FMNL2: variants seen among roughly 807,000 people sequenced by gnomAD.
FMNL2 encodes formin like 2.
Under a neutral mutation model 130.2 loss-of-function variants are expected in FMNL2, and 51 were observed. That is an observed-to-expected ratio of 0.39 (90% confidence interval 0.31 to 0.49). The LOEUF (loss-of-function observed/expected upper bound fraction) is 0.49. Ranked by LOEUF, FMNL2 falls within the 20% of genes least tolerant of loss-of-function variation. FMNL2 has a pLI of 0.85. For synonymous variants in FMNL2, 465 were observed against 467.1 expected, an observed-to-expected ratio of 1.00 and a Z score of 0.06; for missense variants, 977 against 1,316.2, an observed-to-expected ratio of 0.74 and a Z score of 3.99.
intron 1 of FMNL2, among the ~76,000 whole-genome samples, chr2:152,494,703 G>T (rs1054467815): frequency 6.6e-6 from 1 of 152,134 alleles, no homozygotes; most frequent in African/African-American, 2.4e-5. Flanking sequence ...GATAATTTTA[G>T]ATTACTCTTG....
intron 1 of FMNL2, among the ~76,000 whole-genome samples, chr2:152,384,500 T>C (rs1026677293): frequency 1.3e-5 from 2 of 152,124 alleles, no homozygotes; most frequent in African/African-American, 4.8e-5. Flanking sequence ...GTCCATTTGA[T>C]GGCTGACATT....
At chr2:152,577,781 G>A (rs1205138736) in intron 7 of FMNL2, among the ~76,000 whole-genome samples, 1 of 152,138 alleles carries the variant, frequency 6.6e-6, no homozygotes, top group East Asian at 1.9e-4. Context: ...ACAGTTCATT[G>A]GGATGGTGGG....
chr2:152,523,697 T>A (rs1276521225), intron 2 of FMNL2, among the ~76,000 whole-genome samples: 1 of 152,206 alleles, frequency 6.6e-6, no homozygotes, highest in Non-Finnish European at 1.5e-5. Context: ...TCTCATGACT[T>A]GACTTTATCA....
At chr2:152,462,384 A>C (rs185739914) in intron 1 of FMNL2, among the ~76,000 whole-genome samples, 77 of 152,220 alleles carry the variant, frequency 5.1e-4, no homozygotes, top group African/African-American at 1.8e-3. Context: ...ATTACTGCAC[A>C]CTGGAATTAT....
chr2:152,351,427 C>A (rs1456965104), intron 1 of FMNL2, among the ~76,000 whole-genome samples: 2 of 152,172 alleles, frequency 1.3e-5, no homozygotes, highest in Non-Finnish European at 2.9e-5. Flanking sequence ...GTTCAACCCC[C>A]ACTTATGAGT....
Position 152,455,947 on chromosome 2 carries a change from C to T in FMNL2, c.118-65996C>T, listed in dbSNP as rs148878860. Among the ~76,000 whole-genome samples the T allele has an allele frequency of 3.9e-5, 6 of 152,370 alleles. No homozygotes were observed. In the East Asian group the frequency reaches 1.2e-3, roughly 29 times the overall value. Reference sequence around the variant, plus strand: ...CCAGTGTGGTCTTTTAACTCCTAGCCTCAATTGATCCTCCCACCTCGGCCT... The same window carrying T: ...CCAGTGTGGTCTTTTAACTCCTAGCTTCAATTGATCCTCCCACCTCGGCCT... On this transcript the variant is annotated intron_variant, in intron 1 of 25. Coordinates refer to ENST00000288670, the MANE Select transcript of FMNL2 (RefSeq NM_052905.4).
chr2:152,621,163 C>G (rs1699228144), intron 15 of FMNL2: 1 of 982,218 alleles, frequency 1.0e-6, no homozygotes. Flanking sequence ...CTCTTGGTAG[C>G]CCCCAAGGCG....
At chr2:152,511,660 T>C (rs1306452598) in intron 1 of FMNL2, among the ~76,000 whole-genome samples, 1 of 152,196 alleles carries the variant, frequency 6.6e-6, no homozygotes, top group African/African-American at 2.4e-5. Context: ...AGCTTGAGTA[T>C]AGAATCCAGG....
At chr2:152,588,272 C>G (rs1697195807) in intron 9 of FMNL2, among the ~76,000 whole-genome samples, 1 of 152,228 alleles carries the variant, frequency 6.6e-6, no homozygotes, top group Non-Finnish European at 1.5e-5. Context: ...GCCCCTTCCT[C>G]CAGCTTTAAA....
In FMNL2 at chr2:152,492,009, A is replaced by G. The variant is rs181004636; in HGVS notation, c.118-29934A>G. Among the ~76,000 whole-genome samples, 437 of 152,354 alleles carry G rather than the reference A, an allele frequency of 2.9e-3. 1 individual carries two copies. Among genetic ancestry groups the G allele is most frequent in the African/African-American group, 7.7e-3 (320 of 41,592 alleles). On this transcript the variant is annotated intron_variant, in intron 1 of 25. Transcript: ENST00000288670. ...AAATAGAGTTATACTGAGCTAAAGT[A>G]TACATTTTAATCATTTATGTACTAT...
intron 2 of FMNL2, among the ~76,000 whole-genome samples, chr2:152,529,466 G>T (rs1258143874): frequency 6.6e-6 from 1 of 152,088 alleles, no homozygotes; most frequent in South Asian, 2.1e-4. Flanking sequence ...CTGAGAAAAG[G>T]CACTGAATTA....
At chr2:152,470,377 C>T (rs1689791379) in intron 1 of FMNL2, among the ~76,000 whole-genome samples, 1 of 152,142 alleles carries the variant, frequency 6.6e-6, no homozygotes, top group Admixed American at 6.6e-5. Flanking sequence ...TATTGGTTGT[C>T]TTCTGAGAAT....
chr2:152,548,721 G>A (rs1694781665), intron 3 of FMNL2, among the ~76,000 whole-genome samples: 1 of 152,190 alleles, frequency 6.6e-6, no homozygotes, highest in Non-Finnish European at 1.5e-5. Flanking sequence ...TGAAACTGGA[G>A]GTAGTACTGG....
intron 6 of FMNL2, among the ~76,000 whole-genome samples, chr2:152,568,330 C>G (rs1269821419): frequency 6.6e-6 from 1 of 151,284 alleles, no homozygotes; most frequent in Non-Finnish European, 1.5e-5. Flanking sequence ...ATTCTTTTGC[C>G]TCACCCTCCC....
At chr2:152,647,239 G>C (rs1330467920) in intron 25 of FMNL2, among the ~76,000 whole-genome samples, 1 of 152,194 alleles carries the variant, frequency 6.6e-6, no homozygotes, top group East Asian at 1.9e-4. Context: ...TTTTGGTTTA[G>C]ATTTAATGGT....
At chr2:152,397,898 C>T (rs559678212) in intron 1 of FMNL2, among the ~76,000 whole-genome samples, 11 of 152,216 alleles carry the variant, frequency 7.2e-5, no homozygotes, top group African/African-American at 1.4e-4. Flanking sequence ...CCAAGGCAGG[C>T]GGATCACCTG....
At chr2:152,535,734 G>T (rs934543203) in intron 2 of FMNL2, among the ~76,000 whole-genome samples, 1 of 152,144 alleles carries the variant, frequency 6.6e-6, no homozygotes, top group African/African-American at 2.4e-5. Context: ...CTAAATAGTA[G>T]CCCAGCTGGC....
intron 1 of FMNL2, among the ~76,000 whole-genome samples, chr2:152,368,029 T>C (rs1683659947): frequency 6.6e-6 from 1 of 152,208 alleles, no homozygotes; most frequent in Non-Finnish European, 1.5e-5. Flanking sequence ...GTGACTCACG[T>C]GTGCATTAAA....
Position 152,558,815 on chromosome 2 carries a change from C to T in FMNL2, c.435C>T (p.Tyr145=), listed in dbSNP as rs1369032595. The T allele has an allele frequency of 8.7e-6, 14 of 1,612,330 alleles. No homozygotes were observed. The highest frequency in any genetic ancestry group is 1.3e-5 in the African/African-American group (1 of 74,580). ...VLVEYLSFAQ[Y]AVTFDFESVE... ...TGGAATATCTCTCATTTGCACAGTA[C>T]GCGGTAACGTAAGTAAAACTTGGCT... Residue 145 remains tyrosine, a synonymous_variant, in exon 5 of 26, where the codon TAC becomes TAT. Transcript: ENST00000288670.
Sources: allele counts gnomAD v4.1 joint callset (sites outside exome capture counted in the v4.1 genomes callset), GRCh38; gene constraint gnomAD v4.1.1; transcripts MANE v1.5; gene names NCBI Gene and HGNC (gene_info 2026-07-23, HGNC 2026-07-21).